Variants in CCDC87 observed in about 807,000 individuals in gnomAD.
CCDC87 encodes coiled-coil domain-containing protein 87.
For missense variants in CCDC87, 1,072 were observed against 1,041.7 expected, an observed-to-expected ratio of 1.03 and a Z score of -0.40; for synonymous variants, 434 against 440.2, an observed-to-expected ratio of 0.99 and a Z score of 0.18.
rs768963558 is a variant in CCDC87 at position 66,593,060 on chromosome 11, T to G, written c.-45A>C. On this transcript the variant is annotated 5_prime_UTR_variant, in exon 1 of 1. Coordinates refer to ENST00000333861, the MANE Select transcript of CCDC87 (RefSeq NM_018219.3). ...GTCCAGGAACAGAAAGCCGAGGGGT[T>G]ACTAAGGCAACCAGGAGCCCGACGG... is the stretch of plus-strand genomic sequence containing the variant. The G allele has an allele frequency of 6.7e-7, 1 of 1,494,304 alleles. No homozygotes were observed. The highest frequency in any genetic ancestry group is 8.9e-7 in the Non-Finnish European group (1 of 1,122,414). The allele number at this position is 1,494,304 out of a possible 1,614,324, so 92.6% of individuals were successfully genotyped here.
chr11:66,592,937 T>G lies in CCDC87; in HGVS notation c.79A>C (p.Thr27Pro), dbSNP rs1858402492. Reference protein sequence around the residue: ...RLLRPLSLFPTRTTSPEPQKR... With the variant: ...RLLRPLSLFPPRTTSPEPQKR... ...TGAGGCTCTGGGGACGTCGTCCTAG[T>G]GGGGAAGAGCGACAGCGGACGCAGC... is the stretch of plus-strand genomic sequence containing the variant. The change falls in exon 1 of 1, where the codon ACT becomes CCT. Residue 27 changes from threonine to proline, a missense_variant. Physicochemically the swap from Thr to Pro is conservative, Grantham distance 38. Transcript: ENST00000333861. 1 of 1,519,488 alleles carries G rather than the reference T, an allele frequency of 6.6e-7. No homozygotes were observed. Among genetic ancestry groups the G allele is most frequent in the Non-Finnish European group, 8.8e-7 (1 of 1,136,246 alleles). The allele number at this position is 1,519,488 out of a possible 1,614,324, so 94.1% of individuals were successfully genotyped here.
In CCDC87 at chr11:66,591,606, A is replaced by G; in HGVS notation, c.1410T>C (p.Ala470=). Residue 470 remains alanine, a synonymous_variant, in exon 1 of 1, where the codon GCT becomes GCC. Coordinates refer to ENST00000333861, the MANE Select transcript of CCDC87 (RefSeq NM_018219.3). ...EGAGALYNHL[A]GELDPKAIEK... Reference sequence around the variant, plus strand: ...CAATGGCTTTGGGATCCAGTTCACCAGCCAGATGGTTATACAGGGCTCCGG... The same window carrying G: ...CAATGGCTTTGGGATCCAGTTCACCGGCCAGATGGTTATACAGGGCTCCGG... 6.2e-7 allele frequency: 1 copy of G among 1,614,172 alleles called. No homozygotes were observed. The highest frequency in any genetic ancestry group is 8.5e-7 in the Non-Finnish European group (1 of 1,180,044).
In CCDC87 at chr11:66,592,541, C is replaced by A; in HGVS notation, c.475G>T (p.Ala159Ser). ...ATLTRLAASL[A>S]RDCTLFLTSP... ...GTAAGGAAGAGTGTGCAGTCCCTGG[C>A]GAGGCTGGCGGCCAACCGGGTGAGG... Residue 159 changes from alanine (A) to serine (S), a missense_variant, in exon 1 of 1, where the codon GCC becomes TCC. Ala to Ser is a moderately conservative substitution (Grantham distance 99, BLOSUM62 1). Transcript: ENST00000333861. The A allele has an allele frequency of 6.2e-7, 1 of 1,612,926 alleles. No homozygotes were observed. Among genetic ancestry groups the A allele is most frequent in the Non-Finnish European group, 8.5e-7 (1 of 1,179,982 alleles).
At position 66,591,446 on chromosome 11, in the gene CCDC87, A is replaced by T. The variant is rs754513838; in HGVS notation, c.1570T>A (p.Ser524Thr). Residue 524 changes from serine (S) to threonine (T), a missense_variant, in exon 1 of 1, where the codon TCG becomes ACG. Physicochemically the swap from Ser to Thr is moderately conservative, Grantham distance 58. Transcript: ENST00000333861. ...LVEPAADKDW[S>T]TFLSSAFLRQ... ...AGAAAGGCTGAGGACAGGAAGGTCG[A>T]CCAGTCTTTATCTGCTGCAGGCTCA... is the stretch of plus-strand genomic sequence containing the variant. 1 of 1,614,176 alleles carries T rather than the reference A, an allele frequency of 6.2e-7. No homozygotes were observed. Among genetic ancestry groups the T allele is most frequent in the Non-Finnish European group, 8.5e-7 (1 of 1,180,028 alleles).
In CCDC87 at chr11:66,592,653, C is replaced by A; in HGVS notation, c.363G>T (p.Leu121=). 6.2e-7 allele frequency: 1 copy of A among 1,613,800 alleles called. No homozygotes were observed. Among genetic ancestry groups the A allele is most frequent in the Non-Finnish European group, 8.5e-7 (1 of 1,179,952 alleles). The change falls in exon 1 of 1, where the codon CTG becomes CTT. Residue 121 remains leucine (L), a synonymous_variant. Transcript: ENST00000333861. The part of the protein sequence containing the change: ...KLRKRLEAYV[L]LSSEQLFLRY... ...GCAAGAAGAGCTGCTCGCTGCTCAGCAGCACGTAGGCCTCGAGCCGCTTCC... is the reference window on the plus strand; with the variant it reads ...GCAAGAAGAGCTGCTCGCTGCTCAGAAGCACGTAGGCCTCGAGCCGCTTCC...
At position 66,591,512 on chromosome 11, in the gene CCDC87, C is replaced by T; in HGVS notation, c.1504G>A (p.Val502Ile). ...TCAAAATGTAAGTGGTCAGAAGAGA[C>T]ATGGCTCATCAACTCCTTGTAGACC... is the stretch of plus-strand genomic sequence containing the variant. ...REVYKELMSH[V>I]SSDHLHFDQG... Residue 502 changes from valine (V) to isoleucine (I), a missense_variant, in exon 1 of 1, where the codon GTC becomes ATC. Val to Ile is a conservative substitution (Grantham distance 29). Coordinates refer to ENST00000333861, the MANE Select transcript of CCDC87 (RefSeq NM_018219.3). 1 of 1,614,180 alleles carries T rather than the reference C, an allele frequency of 6.2e-7. No homozygotes were observed. Among genetic ancestry groups the T allele is most frequent in the Non-Finnish European group, 8.5e-7 (1 of 1,180,044 alleles).
Position 66,590,645 on chromosome 11 carries a change from C to G in CCDC87, c.2371G>C (p.Glu791Gln). Residue 791 changes from glutamate to glutamine, a missense_variant, in exon 1 of 1, where the codon GAG (glutamate) becomes CAG (glutamine). Glu to Gln is a conservative substitution (Grantham distance 29). Transcript: ENST00000333861. Reference sequence around the variant, plus strand: ...ATCACTGGCTCGCCAAAGATTAACTCTATCTCCTCCAGGAGGGAAACCAAA... The same window carrying G: ...ATCACTGGCTCGCCAAAGATTAACTGTATCTCCTCCAGGAGGGAAACCAAA... ...SSLVSLLEEIELIFGEPVIFK... is the reference protein window; with the variant it reads ...SSLVSLLEEIQLIFGEPVIFK... 1 of 1,614,200 alleles carries G rather than the reference C, an allele frequency of 6.2e-7. No homozygotes were observed. Among genetic ancestry groups the G allele is most frequent in the Non-Finnish European group, 8.5e-7 (1 of 1,180,032 alleles).
Position 66,590,394 on chromosome 11 carries a change from ATT to A in CCDC87, c.*70_*71del, listed in dbSNP as rs1858327429. 1 of 1,187,284 alleles carries A rather than the reference ATT, an allele frequency of 8.4e-7. No homozygotes were observed. The highest frequency in any genetic ancestry group is 1.2e-6 in the Non-Finnish European group (1 of 831,114). The allele number at this position is 1,187,284 out of a possible 1,614,324, so 73.5% of individuals were successfully genotyped here. The stretch of plus-strand genomic sequence containing the variant: ...AAGAGGTCTAGATGAGCTGCTGGCC[ATT>A]TAGGGGTGAGGGAGGCATTTGAGGG... On this transcript the variant is annotated 3_prime_UTR_variant, in exon 1 of 1. Transcript: ENST00000333861.
Position 66,591,356 on chromosome 11 carries a change from T to G in CCDC87, c.1660A>C (p.Asn554His), listed in dbSNP as rs750045561. The G allele has an allele frequency of 6.2e-5, 100 of 1,614,058 alleles. No individual in the cohort carries two copies. The highest frequency in any genetic ancestry group is 8.4e-5 in the Non-Finnish European group (99 of 1,180,038). Residue 554 changes from asparagine (N) to histidine (H), a missense_variant, in exon 1 of 1, where the codon AAC becomes CAC. Asn to His is a moderately conservative substitution (Grantham distance 68, BLOSUM62 1). Coordinates refer to ENST00000333861, the MANE Select transcript of CCDC87 (RefSeq NM_018219.3). ...ELVGLYSQRA[N>H]TLQSNTKKMP... ...TTCTTAGTATTGGACTGTAAAGTGT[T>G]TGCTCTCTGGGAGTAAAGTCCAACC...
Position 66,592,622 on chromosome 11 carries a change from G to C in CCDC87, c.394C>G (p.Leu132Val), listed in dbSNP as rs746827364. 2 of 1,613,886 alleles carry C rather than the reference G, an allele frequency of 1.2e-6. No individual in the cohort carries two copies. The highest frequency in any genetic ancestry group is 1.7e-6 in the Non-Finnish European group (2 of 1,180,014). ...LSSEQLFLRY[L>V]HLLVTMSTPR... Reference sequence around the variant, plus strand: ...GTCGACATGGTCACCAGCAGGTGCAGGTAGCGCAAGAAGAGCTGCTCGCTG... The same window carrying C: ...GTCGACATGGTCACCAGCAGGTGCACGTAGCGCAAGAAGAGCTGCTCGCTG... Residue 132 changes from leucine to valine, a missense_variant, in exon 1 of 1, where the codon CTG (leucine) becomes GTG (valine). Transcript: ENST00000333861.
rs763107129 is a variant in CCDC87, at chr11:66,592,009, G to C, written c.1007C>G (p.Thr336Ser). 4 of 1,613,836 alleles carry C rather than the reference G, an allele frequency of 2.5e-6. No individual in the cohort carries two copies. Among genetic ancestry groups the C allele is most frequent in the Admixed American group, 3.3e-5 (2 of 60,008 alleles). The change falls in exon 1 of 1, where the codon ACC becomes AGC. Residue 336 changes from threonine (T) to serine (S), a missense_variant. By Grantham distance (58) the Thr-to-Ser change is moderately conservative (BLOSUM62 1). Coordinates refer to ENST00000333861, the MANE Select transcript of CCDC87 (RefSeq NM_018219.3). ...GLPPLPSRPL[T>S]PLVLATESKP... Reference sequence around the variant, plus strand: ...GCTCTCTGTAGCCAAGACCAGCGGGGTTAAGGGGCGAGATGGGAGTGGAGG... The same window carrying C: ...GCTCTCTGTAGCCAAGACCAGCGGGCTTAAGGGGCGAGATGGGAGTGGAGG...
Position 66,590,795 on chromosome 11 carries a change from A to T in CCDC87, c.2221T>A (p.Phe741Ile). ...REALLARLEW[F>I]EGQASNPNRF... The stretch of plus-strand genomic sequence containing the variant: ...TTGGGATTGGAAGCTTGTCCCTCAA[A>T]CCACTCTAGTCTCGCCAGCAATGCC... The change falls in exon 1 of 1, where the codon TTT becomes ATT. Residue 741 changes from phenylalanine to isoleucine, a missense_variant. Transcript: ENST00000333861. 2 of 1,613,002 alleles carry T rather than the reference A, an allele frequency of 1.2e-6. No homozygotes were observed. Among genetic ancestry groups the T allele is most frequent in the Non-Finnish European group, 1.7e-6 (2 of 1,180,032 alleles).
rs370432829 is a variant in CCDC87 at position 66,592,532 on chromosome 11, A to T, written c.484T>A (p.Cys162Ser). The T allele has an allele frequency of 2.3e-5, 37 of 1,613,252 alleles. No homozygotes were observed. The highest frequency in any genetic ancestry group is 4.2e-6 in the Non-Finnish European group (5 of 1,180,038). The change falls in exon 1 of 1, where the codon TGC (cysteine) becomes AGC (serine). Residue 162 changes from cysteine to serine, a missense_variant. Coordinates refer to ENST00000333861, the MANE Select transcript of CCDC87 (RefSeq NM_018219.3). ...TRLAASLARD[C>S]TLFLTSPNVY... Reference sequence around the variant, plus strand: ...TTGGGACTAGTAAGGAAGAGTGTGCAGTCCCTGGCGAGGCTGGCGGCCAAC... The same window carrying T: ...TTGGGACTAGTAAGGAAGAGTGTGCTGTCCCTGGCGAGGCTGGCGGCCAAC...
chr11:66,592,531 C>T lies in CCDC87; in HGVS notation c.485G>A (p.Cys162Tyr). 1.2e-6 allele frequency: 2 copies of T among 1,613,202 alleles called. No individual in the cohort carries two copies. The highest frequency in any genetic ancestry group is 2.2e-5 in the East Asian group (1 of 44,872). Residue 162 changes from cysteine to tyrosine, a missense_variant, in exon 1 of 1, where the codon TGC becomes TAC. Physicochemically the swap from Cys to Tyr is radical, Grantham distance 194. Coordinates refer to ENST00000333861, the MANE Select transcript of CCDC87 (RefSeq NM_018219.3). ...TRLAASLARD[C>Y]TLFLTSPNVY... ...GTTGGGACTAGTAAGGAAGAGTGTG[C>T]AGTCCCTGGCGAGGCTGGCGGCCAA... is the stretch of plus-strand genomic sequence containing the variant.
In CCDC87 at chr11:66,591,470, C is replaced by G. The variant is rs376754440; in HGVS notation, c.1546G>C (p.Glu516Gln). ...GACCAGTCTTTATCTGCTGCAGGCTCAACTAGGGGCCCTTGATCAAAATGT... is the reference window on the plus strand; with the variant it reads ...GACCAGTCTTTATCTGCTGCAGGCTGAACTAGGGGCCCTTGATCAAAATGT... ...HLHFDQGPLV[E>Q]PAADKDWSTF... The change falls in exon 1 of 1, where the codon GAG becomes CAG. Residue 516 changes from glutamate (E) to glutamine (Q), a missense_variant. By Grantham distance (29) the Glu-to-Gln change is conservative. Transcript: ENST00000333861. 32 of 1,614,036 alleles carry G rather than the reference C, an allele frequency of 2.0e-5. No homozygotes were observed. The highest frequency in any genetic ancestry group is 3.3e-5 in the South Asian group (3 of 91,090).
Position 66,590,586 on chromosome 11 carries a change from C to A in CCDC87, c.2430G>T (p.Lys810Asn), listed in dbSNP as rs781742036. Residue 810 changes from lysine to asparagine, a missense_variant, in exon 1 of 1, where the codon AAG becomes AAT. Lys to Asn is a moderately conservative substitution (Grantham distance 94). Coordinates refer to ENST00000333861, the MANE Select transcript of CCDC87 (RefSeq NM_018219.3). ...AATAGAGCATCTCCACTTTGTCACT[C>A]TTCATCTTGTCCAGGTAGGGCCGCC... The part of the protein sequence containing the change: ...FKGRPYLDKM[K>N]SDKVEMLYWL... 1 of 1,614,236 alleles carries A rather than the reference C, an allele frequency of 6.2e-7. No individual in the cohort carries two copies. Among genetic ancestry groups the A allele is most frequent in the Admixed American group, 1.7e-5 (1 of 60,036 alleles).
In CCDC87 at chr11:66,591,787, G is replaced by A; in HGVS notation, c.1229C>T (p.Ala410Val). 6.2e-7 allele frequency: 1 copy of A among 1,613,622 alleles called. No individual in the cohort carries two copies. The change falls in exon 1 of 1, where the codon GCC (alanine) becomes GTC (valine). Residue 410 changes from alanine to valine, a missense_variant. Physicochemically the swap from Ala to Val is moderately conservative, Grantham distance 64. Transcript: ENST00000333861. ...KMLRNLQEEE[A>V]SGQWDPQPPK... Reference sequence around the variant, plus strand: ...GGGCTGGGGGTCCCACTGCCCAGAGGCTTCTTCCTCCTGGAGGTTCCTCAA... The same window carrying A: ...GGGCTGGGGGTCCCACTGCCCAGAGACTTCTTCCTCCTGGAGGTTCCTCAA...
chr11:66,592,314 G>A lies in CCDC87; in HGVS notation c.702C>T (p.Ser234=). The A allele has an allele frequency of 1.2e-6, 2 of 1,614,220 alleles. No homozygotes were observed. The highest frequency in any genetic ancestry group is 1.7e-6 in the Non-Finnish European group (2 of 1,180,020). ...NLNLNYLIQL[S]RPPEFLNEPG... ...GCTCATTGAGAAACTCTGGTGGACG[G>A]CTGAGTTGGATGAGGTAGTTCAGGT... Residue 234 remains serine, a synonymous_variant, in exon 1 of 1, where the codon AGC becomes AGT. Transcript: ENST00000333861.
At position 66,591,966 on chromosome 11, in the gene CCDC87, C is replaced by A; in HGVS notation, c.1050G>T (p.Gly350=). ...GCTTCAGATCCTCAGCCACGATGAG[C>A]CCAGTCAGCTCTGGTTTGCTCTCTG... The part of the protein sequence containing the change: ...LATESKPELT[G]LIVAEDLKQL... The change falls in exon 1 of 1, where the codon GGG becomes GGT. Residue 350 remains glycine, a synonymous_variant. Transcript: ENST00000333861. 3 of 1,613,916 alleles carry A rather than the reference C, an allele frequency of 1.9e-6. No individual in the cohort carries two copies. The South Asian group carries it at 3.3e-5, about 18-fold the overall frequency.
Sources: allele counts gnomAD v4.1 joint callset, GRCh38; gene constraint gnomAD v4.1.1; transcripts MANE v1.5; gene names NCBI Gene and HGNC (gene_info 2026-07-23, HGNC 2026-07-21).